Variants in SLC45A4 observed in about 807,000 individuals in gnomAD.
SLC45A4 encodes polyamine-transporter SLC45A4.
SLC45A4 carries 32 observed loss-of-function variants against 63.7 expected under a neutral mutation model. That is an observed-to-expected ratio of 0.50 (90% confidence interval 0.38 to 0.67). SLC45A4 has a LOEUF of 0.67. Among genes scored for constraint, SLC45A4 ranks in the 30% least tolerant of loss-of-function variants. The pLI, the probability that SLC45A4 is intolerant of heterozygous loss-of-function variation, is 0.00. For missense variants in SLC45A4, 1,027 were observed against 1,157.7 expected (o/e 0.89, Z 1.64); for synonymous variants, 535 against 510.0 (o/e 1.05, Z -0.66).
At chr8:141,248,199 G>T (rs1268104853) in intron 2 of SLC45A4, among the ~76,000 whole-genome samples, 2 of 151,970 alleles carry the variant, frequency 1.3e-5, no homozygotes, top group African/African-American at 4.8e-5. Flanking sequence ...AATTGAAAAA[G>T]AACAAAAAAG....
Position 141,275,046 on chromosome 8 carries a change from C to T in SLC45A4, c.-400-20417G>A, listed in dbSNP as rs77677087. On this transcript the variant is annotated intron_variant, in intron 1 of 8. Transcript: ENST00000517878. ...GGCTGGACAACTCTACGGGGCGTGG[C>T]GCCGGCAGGAGCCAGCTCTGAATTC... 1.4e-3 allele frequency among the ~76,000 whole-genome samples: 206 copies of T among 152,348 alleles called. 5 individuals are homozygous for T. The East Asian group carries it at 0.037, about 27-fold the overall frequency.
At chr8:141,271,606 CA>C (rs1829524465) in intron 1 of SLC45A4, among the ~76,000 whole-genome samples, 1 of 152,220 alleles carries the variant, frequency 6.6e-6, no homozygotes, top group African/African-American at 2.4e-5. Context: ...TTCCTGACCC[CA>C]TTTCAGAAGG....
At chr8:141,242,871 T>C (rs1827983970) in intron 2 of SLC45A4, among the ~76,000 whole-genome samples, 1 of 152,118 alleles carries the variant, frequency 6.6e-6, no homozygotes, top group African/African-American at 2.4e-5. Flanking sequence ...TGAATGTGTA[T>C]CCCAGGCCAC....
At chr8:141,288,131 C>A (rs1830220649) in intron 1 of SLC45A4, among the ~76,000 whole-genome samples, 1 of 152,122 alleles carries the variant, frequency 6.6e-6, no homozygotes, top group Non-Finnish European at 1.5e-5. Flanking sequence ...GAACCATGAT[C>A]CTGCCACTAC....
intron 1 of SLC45A4, among the ~76,000 whole-genome samples, chr8:141,266,276 C>T (rs1829261618): frequency 6.6e-6 from 1 of 152,198 alleles, no homozygotes; most frequent in African/African-American, 2.4e-5. Context: ...GGGCCTGACA[C>T]CATGGGCTGC....
chr8:141,247,651 A>G (rs932118330), intron 2 of SLC45A4, among the ~76,000 whole-genome samples: 1 of 152,182 alleles, frequency 6.6e-6, no homozygotes, highest in African/African-American at 2.4e-5. Flanking sequence ...AGTTCAAGCA[A>G]TCTTCCCGCC....
chr8:141,220,159 C>G (rs1826515290), intron 3 of SLC45A4, among the ~76,000 whole-genome samples: 1 of 152,208 alleles, frequency 6.6e-6, no homozygotes, highest in Non-Finnish European at 1.5e-5. Flanking sequence ...GGCTGCTGTG[C>G]TGGAAGCATG....
At chr8:141,276,940 G>A (rs1351830793) in intron 1 of SLC45A4, among the ~76,000 whole-genome samples, 3 of 152,096 alleles carry the variant, frequency 2.0e-5, no homozygotes, top group Admixed American at 6.5e-5. Flanking sequence ...AGGTGCTGAC[G>A]TCCCCCCGGC....
intron 1 of SLC45A4, among the ~76,000 whole-genome samples, chr8:141,301,509 G>A (rs1379742226): frequency 6.6e-6 from 1 of 152,032 alleles, no homozygotes; most frequent in Admixed American, 6.6e-5. Flanking sequence ...CTGGGAGCCT[G>A]AGGCAGGAGG....
At chr8:141,234,799 T>C (rs1349828122) in intron 2 of SLC45A4, among the ~76,000 whole-genome samples, 1 of 152,136 alleles carries the variant, frequency 6.6e-6, no homozygotes, top group East Asian at 1.9e-4. Context: ...ACAGCTCACC[T>C]CCACGTTCCG....
chr8:141,211,992 G>T, intron 8 of SLC45A4: 9 of 1,302,840 alleles, frequency 6.9e-6, no homozygotes, highest in Non-Finnish European at 7.8e-6. Flanking sequence ...GGTTAGTGTG[G>T]TATTTGCTTA....
intron 1 of SLC45A4, among the ~76,000 whole-genome samples, chr8:141,280,155 G>A (rs1228686816): frequency 6.6e-6 from 1 of 152,214 alleles, no homozygotes; most frequent in East Asian, 1.9e-4. Context: ...CCTGCGAGCT[G>A]AGCAGCAGGA....
chr8:141,240,247 C>T (rs964619457), intron 2 of SLC45A4, among the ~76,000 whole-genome samples: 9 of 152,228 alleles, frequency 5.9e-5, no homozygotes, highest in Non-Finnish European at 8.8e-5. Flanking sequence ...CGATCTTCGT[C>T]GAGTGGAGAG....
rs1314701527 is a variant in SLC45A4, at chr8:141,218,861, G to T, written c.779C>A (p.Pro260Gln). The change falls in exon 5 of 9, where the codon CCG becomes CAG. Residue 260 changes from proline to glutamine, a missense_variant. Transcript: ENST00000517878. ...CTCCTCAGCGCTGCGCTCCTGCTGC[G>T]GGCTGTACTGCTCCTCGTCGATGCT... ...LFSIDEEQYS[P>Q]QQERSAEEPG... 1.2e-6 allele frequency: 2 copies of T among 1,613,492 alleles called. No homozygotes were observed. Among genetic ancestry groups the T allele is most frequent in the Non-Finnish European group, 1.7e-6 (2 of 1,179,928 alleles).
At chr8:141,242,273 C>T (rs530040858) in intron 2 of SLC45A4, among the ~76,000 whole-genome samples, 1 of 152,310 alleles carries the variant, frequency 6.6e-6, no homozygotes, top group South Asian at 2.1e-4. Context: ...CTAAATAATC[C>T]AGCTCATGTG....
At chr8:141,304,268 T>TACACACACACAC (rs59200665) in intron 1 of SLC45A4, among the ~76,000 whole-genome samples, 3 of 150,902 alleles carry the variant, frequency 2.0e-5, no homozygotes, top group South Asian at 2.1e-4. Context: ...GACTCTTAAA[T>TACACACACACAC]ACACACACAC....
intron 1 of SLC45A4, among the ~76,000 whole-genome samples, chr8:141,301,853 T>A (rs570705947): frequency 6.7e-6 from 1 of 149,180 alleles, no homozygotes; most frequent in South Asian, 2.1e-4. Context: ...TCCCAGCTAC[T>A]CAGGAGGCTG....
chr8:141,217,249 G>A (rs1325044735), intron 5 of SLC45A4, 60 bp from the exon 6 acceptor site: 15 of 1,554,060 alleles, frequency 9.7e-6, no homozygotes, highest in Non-Finnish European at 1.3e-5. Context: ...CAGGCCAGGA[G>A]CGTATTTCCC....
At chr8:141,292,161 C>T (rs919873) in intron 1 of SLC45A4, among the ~76,000 whole-genome samples, 14,667 of 152,272 alleles carry the variant, frequency 0.096, 840 homozygotes, top group Middle Eastern at 0.16. Flanking sequence ...GGCAGACAAG[C>T]GGGTGTCCAT....
Sources: gnomAD v4.1 joint callset for allele counts (sites outside exome capture counted in the v4.1 genomes callset) on GRCh38, gnomAD v4.1.1 for gene constraint, MANE v1.5 for transcripts, NCBI Gene and HGNC (gene_info 2026-07-23, HGNC 2026-07-21) for gene names.